SDC2: variants seen among roughly 807,000 people sequenced by gnomAD.
SDC2 encodes syndecan 2, also known as syndecan-2.
Under a neutral mutation model 22.2 loss-of-function variants are expected in SDC2, and 13 were observed. That is an observed-to-expected ratio of 0.59 (90% CI 0.38 to 0.93). SDC2 has a LOEUF of 0.93. Ranked by LOEUF, SDC2 falls within the 40% of genes least tolerant of loss-of-function variation. SDC2 has a pLI of 0.00. For synonymous variants in SDC2, 94 were observed against 92.8 expected (o/e 1.01, Z -0.07); for missense variants, 235 against 246.8 (o/e 0.95, Z 0.32).
chr8:96,508,342 AATT>A (rs1246050383), intron 1 of SDC2, among the ~76,000 whole-genome samples: 4 of 124,148 alleles, frequency 3.2e-5, no homozygotes, highest in Non-Finnish European at 6.8e-5. Flanking sequence ...TAATAATAAT[AATT>A]AGCCGGGTGT....
intron 1 of SDC2, among the ~76,000 whole-genome samples, chr8:96,503,182 C>T (rs1244077973): frequency 6.6e-6 from 1 of 152,080 alleles, no homozygotes; most frequent in Non-Finnish European, 1.5e-5. Context: ...CTCATCTTTC[C>T]CAGTAATTTT....
At chr8:96,605,281 C>T (rs549564182) in intron 3 of SDC2, among the ~76,000 whole-genome samples, 3 of 152,350 alleles carry the variant, frequency 2.0e-5, no homozygotes, top group Non-Finnish European at 4.4e-5. Context: ...TTACCTCTCT[C>T]CCTAGTCACA....
intron 3 of SDC2, among the ~76,000 whole-genome samples, chr8:96,607,213 T>C (rs1815096081): frequency 7.5e-6 from 1 of 134,070 alleles, no homozygotes; most frequent in Non-Finnish European, 1.5e-5. Flanking sequence ...GTGGTGGAAA[T>C]GACCTCACAG....
chr8:96,574,883 C>T (rs1219616222), intron 1 of SDC2, among the ~76,000 whole-genome samples: 7 of 152,174 alleles, frequency 4.6e-5, no homozygotes, highest in African/African-American at 1.7e-4. Context: ...AGTTTTTCCA[C>T]TGACCGAGGG....
At chr8:96,539,593 C>T (rs369666727) in intron 1 of SDC2, among the ~76,000 whole-genome samples, 1 of 152,146 alleles carries the variant, frequency 6.6e-6, no homozygotes, top group East Asian at 1.9e-4. Context: ...TAGCACTATG[C>T]CATAGGGATC....
At chr8:96,548,423 G>T (rs1413250328) in intron 1 of SDC2, among the ~76,000 whole-genome samples, 4 of 152,058 alleles carry the variant, frequency 2.6e-5, no homozygotes, top group Admixed American at 6.5e-5. Flanking sequence ...TTCAGATTTG[G>T]GATTCTCAAC....
At chr8:96,508,501 GA>G (rs1288021797) in intron 1 of SDC2, among the ~76,000 whole-genome samples, 2 of 94,186 alleles carry the variant, frequency 2.1e-5, no homozygotes, top group Non-Finnish European at 2.8e-5. Flanking sequence ...TCAAAAAAAA[GA>G]AAAAAAAAGA....
intron 1 of SDC2, among the ~76,000 whole-genome samples, chr8:96,568,155 G>A (rs1814331716): frequency 1.3e-5 from 2 of 152,196 alleles, no homozygotes; most frequent in Non-Finnish European, 2.9e-5. Context: ...GTTAAGCTAA[G>A]TACACCCTCT....
intron 1 of SDC2, among the ~76,000 whole-genome samples, chr8:96,583,371 T>C (rs887991990): frequency 2.3e-5 from 3 of 128,648 alleles, no homozygotes; most frequent in Non-Finnish European, 3.3e-5. Context: ...TTATATATCA[T>C]ATATAAAATA....
chr8:96,590,370 C>T (rs959691142), intron 1 of SDC2, among the ~76,000 whole-genome samples: 2 of 152,214 alleles, frequency 1.3e-5, no homozygotes, highest in African/African-American at 4.8e-5. Context: ...TCCAGCGTCT[C>T]GGTCCCATTG....
intron 1 of SDC2, among the ~76,000 whole-genome samples, chr8:96,529,617 C>G (rs1813629012): frequency 2.6e-5 from 4 of 152,178 alleles, no homozygotes; most frequent in Admixed American, 2.6e-4. Flanking sequence ...ACTTTCAAGG[C>G]TGGTTTCAGG....
chr8:96,512,782 T>G (rs73271666), intron 1 of SDC2, among the ~76,000 whole-genome samples: 4,490 of 152,332 alleles, frequency 0.029, 211 homozygotes, highest in African/African-American at 0.1. Context: ...GATCTTCTGA[T>G]CTCTTATTTT....
At chr8:96,554,262 C>T (rs377670529) in intron 1 of SDC2, among the ~76,000 whole-genome samples, 3 of 152,012 alleles carry the variant, frequency 2.0e-5, no homozygotes, top group Non-Finnish European at 2.9e-5. Context: ...TATTGAAATA[C>T]GTATTTGAGT....
chr8:96,546,572 TTAA>T (rs1813935928), intron 1 of SDC2, among the ~76,000 whole-genome samples: 1 of 152,178 alleles, frequency 6.6e-6, no homozygotes, highest in African/African-American at 2.4e-5. Context: ...TGTGCCATTA[TTAA>T]TAATAAGCCA....
chr8:96,544,793 A>G (rs560035048), intron 1 of SDC2, among the ~76,000 whole-genome samples: 2 of 152,352 alleles, frequency 1.3e-5, no homozygotes, highest in South Asian at 4.1e-4. Flanking sequence ...AGGTGATTGT[A>G]GATTTTTACA....
intron 1 of SDC2, among the ~76,000 whole-genome samples, chr8:96,547,585 A>G (rs569545217): frequency 7.1e-4 from 108 of 152,302 alleles, no homozygotes; most frequent in African/African-American, 2.3e-3. Context: ...ACAGATGGGA[A>G]TAAAAGGTGT....
At chr8:96,569,037 T>A (rs1367947577) in intron 1 of SDC2, among the ~76,000 whole-genome samples, 1 of 152,154 alleles carries the variant, frequency 6.6e-6, no homozygotes, top group Non-Finnish European at 1.5e-5. Flanking sequence ...TGAAACAAGG[T>A]CTTGCTGTTT....
chr8:96,596,482 A>G (rs1814878787), intron 2 of SDC2, among the ~76,000 whole-genome samples: 2 of 152,238 alleles, frequency 1.3e-5, no homozygotes, highest in African/African-American at 2.4e-5. Flanking sequence ...ACCCTTCATA[A>G]GCATTTGCTG....
intron 1 of SDC2, among the ~76,000 whole-genome samples, chr8:96,540,828 G>C (rs1238899183): frequency 2.0e-5 from 3 of 152,202 alleles, no homozygotes; most frequent in East Asian, 1.9e-4. Context: ...GAGCAAGGAA[G>C]TTTACCAGAA....
Sources: gnomAD v4.1 joint callset for allele counts (sites outside exome capture counted in the v4.1 genomes callset) on GRCh38, gnomAD v4.1.1 for gene constraint, MANE v1.5 for transcripts, NCBI Gene and HGNC (gene_info 2026-07-23, HGNC 2026-07-21) for gene names.